SOX5: variants seen among roughly 807,000 people sequenced by gnomAD.
The protein encoded by SOX5 is SRY-box transcription factor 5, also known as transcription factor SOX-5.
A neutral mutation model predicts 92.0 loss-of-function variants in SOX5; 9 were observed. That is an observed-to-expected ratio of 0.10 (90% CI 0.06 to 0.17). The LOEUF (loss-of-function observed/expected upper bound fraction) is 0.17. SOX5 is among the 10% of genes least tolerant of loss of function. The pLI is 1.00. For synonymous variants in SOX5, 344 were observed against 336.3 expected (o/e 1.02, Z -0.25); for missense variants, 642 against 944.5 (o/e 0.68, Z 4.20).
intron 2 of SOX5, among the ~76,000 whole-genome samples, chr12:24,278,713 A>G (rs983017596): frequency 1.3e-5 from 2 of 152,142 alleles, no homozygotes; most frequent in African/African-American, 4.8e-5. Flanking sequence ...CCCATCTCAA[A>G]AAAGCAAACA....
chr12:24,145,790 G>A (rs1248270267), intron 4 of SOX5, among the ~76,000 whole-genome samples: 4 of 152,182 alleles, frequency 2.6e-5, no homozygotes, highest in Non-Finnish European at 5.9e-5. Context: ...ACAGGTGCAA[G>A]CCACCACATG....
intron 7 of SOX5, among the ~76,000 whole-genome samples, chr12:23,644,675 T>C (rs913869248): frequency 1.3e-5 from 2 of 152,180 alleles, no homozygotes; most frequent in African/African-American, 2.4e-5. Context: ...AAACCTATGA[T>C]ACAGGAGAGA....
At chr12:23,796,663 A>AG (rs2095565511) in intron 3 of SOX5, among the ~76,000 whole-genome samples, 1 of 151,882 alleles carries the variant, frequency 6.6e-6, no homozygotes, top group South Asian at 2.1e-4. Flanking sequence ...AATGAAGACC[A>AG]ATTGTTCCTA....
At position 24,107,744 on chromosome 12, in the gene SOX5, A is replaced by AG. The variant is rs564113395; in HGVS notation, c.-2+105598_-2+105599insC. ...TACAGGGGAGAGAAAAGAATTGAAAACAATCAATGTGTTGATGCCGGGCTT... is the reference window on the plus strand; with the variant it reads ...TACAGGGGAGAGAAAAGAATTGAAAAGCAATCAATGTGTTGATGCCGGGCTT... On this transcript the variant is annotated intron_variant, in intron 4 of 4. Transcript: ENST00000446891. Among the ~76,000 whole-genome samples the AG allele has an allele frequency of 3.2e-3, 487 of 152,360 alleles. 5 individuals carry two copies. Among genetic ancestry groups the AG allele is most frequent in the Non-Finnish European group, 5.8e-3 (394 of 68,024 alleles).
chr12:24,013,781 A>T (rs1411938484), intron 4 of SOX5, among the ~76,000 whole-genome samples: 2 of 152,226 alleles, frequency 1.3e-5, no homozygotes, highest in Non-Finnish European at 2.9e-5. Flanking sequence ...AAATATAGTA[A>T]ATATTAGAAC....
rs76563699 is a variant in SOX5 at position 24,262,461 on chromosome 12, G to C, written c.-77+14755C>G. 5.2e-3 allele frequency among the ~76,000 whole-genome samples: 788 copies of C among 152,234 alleles called. 3 individuals are homozygous for C. The highest frequency in any genetic ancestry group is 0.017 in the African/African-American group (721 of 41,536). On this transcript the variant is annotated intron_variant, in intron 3 of 4. Transcript: ENST00000446891. ...CATTGACAAACAATGATTTCTCCCA[G>C]ATGTTGTGGAGCAATAAATTTGAGA...
chr12:24,501,556 T>C (rs1007544487), intron 1 of SOX5, among the ~76,000 whole-genome samples: 1 of 152,168 alleles, frequency 6.6e-6, no homozygotes, highest in East Asian at 1.9e-4. Flanking sequence ...CTGGGTGCAG[T>C]GGCTCACACC....
chr12:23,715,116 T>C lies in SOX5; in HGVS notation c.810+19568A>G, dbSNP rs1430792487. The stretch of plus-strand genomic sequence containing the variant: ...AGATCAAGACCATCCTGGCTAACAC[T>C]GTGAAACCCCGTCTCTACTAAAAAT... On this transcript the variant is annotated intron_variant, in intron 6 of 14. Transcript: ENST00000451604. Among the ~76,000 whole-genome samples the C allele has an allele frequency of 3.3e-5, 5 of 151,848 alleles. No homozygotes were observed. In the East Asian group the frequency reaches 7.8e-4, roughly 24 times the overall value.
chr12:24,011,226 A>T (rs1952896460), intron 4 of SOX5, among the ~76,000 whole-genome samples: 1 of 152,184 alleles, frequency 6.6e-6, no homozygotes, highest in South Asian at 2.1e-4. Context: ...TAAAAAAAAT[A>T]GAAAACAATG....
At chr12:23,644,707 T>A (rs2080603303) in intron 7 of SOX5, among the ~76,000 whole-genome samples, 2 of 152,220 alleles carry the variant, frequency 1.3e-5, no homozygotes, top group South Asian at 4.1e-4. Context: ...CAATATTACA[T>A]AATGGTGCTT....
chr12:24,447,096 A>G (rs557636575), intron 1 of SOX5, among the ~76,000 whole-genome samples: 1 of 152,346 alleles, frequency 6.6e-6, no homozygotes, highest in African/African-American at 2.4e-5. Context: ...CAATTCTTGT[A>G]AATACTCCCC....
At chr12:24,135,613 T>A (rs1031102858) in intron 4 of SOX5, among the ~76,000 whole-genome samples, 1 of 152,204 alleles carries the variant, frequency 6.6e-6, no homozygotes, top group African/African-American at 2.4e-5. Flanking sequence ...GTACATAATA[T>A]AAATAAATGT....
chr12:24,062,394 G>T (rs890943345), intron 4 of SOX5, among the ~76,000 whole-genome samples: 1 of 152,184 alleles, frequency 6.6e-6, no homozygotes, highest in African/African-American at 2.4e-5. Context: ...GTGATATAAG[G>T]ACAATGTAGT....
intron 3 of SOX5, among the ~76,000 whole-genome samples, chr12:24,226,671 A>G (rs1962078954): frequency 6.6e-6 from 1 of 152,030 alleles, no homozygotes; most frequent in Non-Finnish European, 1.5e-5. Context: ...GGGTTTCATC[A>G]CATTGGCCAG....
At chr12:24,485,868 T>C (rs11047475) in intron 1 of SOX5, among the ~76,000 whole-genome samples, 80,905 of 152,000 alleles carry the variant, frequency 0.53, 22,782 homozygotes, top group East Asian at 0.89. Context: ...TTTTTCCCTG[T>C]AGGCCTTTTC....
intron 4 of SOX5, among the ~76,000 whole-genome samples, chr12:24,077,283 CTT>C (rs2137542095): frequency 6.6e-6 from 1 of 152,246 alleles, no homozygotes; most frequent in East Asian, 1.9e-4. Flanking sequence ...CACACAGCCC[CTT>C]CCAAGATCTG....
intron 2 of SOX5, among the ~76,000 whole-genome samples, chr12:24,347,011 A>G (rs1474952208): frequency 1.3e-5 from 2 of 152,206 alleles, no homozygotes; most frequent in Non-Finnish European, 2.9e-5. Context: ...CATGTACCCT[A>G]GAACTTAAAG....
intron 2 of SOX5, among the ~76,000 whole-genome samples, chr12:24,356,750 G>A (rs1954881487): frequency 6.6e-6 from 1 of 151,876 alleles, no homozygotes. Context: ...CAACAAATTG[G>A]TGTTTTCTGT....
At chr12:24,442,440 T>A (rs1030082120) in intron 1 of SOX5, among the ~76,000 whole-genome samples, 5 of 152,154 alleles carry the variant, frequency 3.3e-5, no homozygotes, top group Non-Finnish European at 7.4e-5. Context: ...ATGAATATAT[T>A]GTATATTAGA....
Sources: allele counts gnomAD v4.1 joint callset (sites outside exome capture counted in the v4.1 genomes callset), GRCh38; gene constraint gnomAD v4.1.1; transcripts MANE v1.5; gene names NCBI Gene and HGNC (gene_info 2026-07-23, HGNC 2026-07-21).